The following PHF24 variants were observed in gnomAD, a reference collection of about 807,000 sequenced individuals.
The protein encoded by PHF24 is PHD finger protein 24.
PHF24 carries 25 observed loss-of-function variants against 42.6 expected under a neutral mutation model. The observed-to-expected ratio is 0.59, with a 90% CI of 0.43 to 0.82. The LOEUF (loss-of-function observed/expected upper bound fraction) is 0.82. Among genes scored for constraint, PHF24 ranks in the 40% least tolerant of loss-of-function variants. The pLI is 0.00. For missense variants in PHF24, 470 were observed against 538.1 expected (o/e 0.87, Z 1.25); for synonymous variants, 185 against 204.8 (o/e 0.90, Z 0.83).
At chr9:34,891,215 G>T in the PHF24 span, among the ~76,000 whole-genome samples, 1 of 152,174 alleles carries the variant, frequency 6.6e-6, no homozygotes, top group Non-Finnish European at 1.5e-5. Context: ...GTCCTTTCCT[G>T]ATCTGTGTAG....
At chr9:34,796,718 C>T in the PHF24 span, among the ~76,000 whole-genome samples, 1 of 152,166 alleles carries the variant, frequency 6.6e-6, no homozygotes, top group Admixed American at 6.5e-5. Flanking sequence ...ACCAGGAATG[C>T]AAGATAGCAC....
chr9:34,887,864 A>G, the PHF24 span, among the ~76,000 whole-genome samples: 1 of 152,088 alleles, frequency 6.6e-6, no homozygotes, highest in African/African-American at 2.4e-5. Context: ...CTGTATTCCC[A>G]GTGCCTATAA....
the PHF24 span, among the ~76,000 whole-genome samples, chr9:34,935,376 C>T: frequency 0.037 from 5,559 of 152,146 alleles, 163 homozygotes; most frequent in Non-Finnish European, 0.05. Context: ...GGCAGATCAC[C>T]TGAGGTCAGG....
the PHF24 span, among the ~76,000 whole-genome samples, chr9:34,869,811 C>T: frequency 2.6e-5 from 4 of 152,140 alleles, no homozygotes; most frequent in Non-Finnish European, 5.9e-5. Context: ...TGACCCTAAT[C>T]TACCTTCTTA....
chr9:34,936,191 GC>G, the PHF24 span, among the ~76,000 whole-genome samples: 1 of 152,134 alleles, frequency 6.6e-6, no homozygotes, highest in East Asian at 1.9e-4. Flanking sequence ...GCCTCAGCCT[GC>G]CGAGTGCCTG....
chr9:34,875,932 A>ACTCTCTCTCT, the PHF24 span, among the ~76,000 whole-genome samples: 2 of 70,716 alleles, frequency 2.8e-5, no homozygotes, highest in South Asian at 5.1e-4. Flanking sequence ...ACACACACAC[A>ACTCTCTCTCT]CACACACACA....
chr9:34,976,139 TC>T lies in PHF24; in HGVS notation c.565-11del, dbSNP rs766082997. On this transcript the variant is annotated splice_polypyrimidine_tract_variant and intron_variant, in intron 3 of 7. Transcript: ENST00000242315. ...CCTGTATGGCCACCGACTCAGCTCTTCCTTATTTTCAGGACAACATCAACTT... is the reference window on the plus strand; with the variant it reads ...CCTGTATGGCCACCGACTCAGCTCTTCTTATTTTCAGGACAACATCAACTT... 6.2e-7 allele frequency: 1 copy of T among 1,610,114 alleles called. No individual in the cohort carries two copies. Among genetic ancestry groups the T allele is most frequent in the Non-Finnish European group, 8.5e-7 (1 of 1,176,426 alleles).
the PHF24 span, chr9:34,834,142 C>T: frequency 6.5e-7 from 1 of 1,533,846 alleles, no homozygotes; most frequent in Non-Finnish European, 8.8e-7. Context: ...GTACCAGGAA[C>T]TGGCTTTCTG....
chr9:34,718,690 C>T, the PHF24 span, among the ~76,000 whole-genome samples: 3 of 152,346 alleles, frequency 2.0e-5, no homozygotes, highest in Non-Finnish European at 4.4e-5. Context: ...TCCATGGAGT[C>T]TATTCCTGTG....
chr9:34,709,444 G>T, the PHF24 span: 1 of 1,612,904 alleles, frequency 6.2e-7, no homozygotes, highest in Non-Finnish European at 8.5e-7. Flanking sequence ...GGGCAGAAGA[G>T]GGGTGTGAGG....
At chr9:34,976,034 G>T (rs1827171374) in intron 3 of PHF24, 118 bp from the exon 4 acceptor site, 1 of 721,916 alleles carries the variant, frequency 1.4e-6, no homozygotes, top group African/African-American at 1.7e-5. Flanking sequence ...TGAATAGGAG[G>T]CTGGGATTAG....
chr9:34,753,769 A>T, the PHF24 span, among the ~76,000 whole-genome samples: 1 of 152,216 alleles, frequency 6.6e-6, no homozygotes, highest in Non-Finnish European at 1.5e-5. Flanking sequence ...CCAAAACAGC[A>T]TGGTACTGGC....
chr9:34,838,854 G>GT, the PHF24 span, among the ~76,000 whole-genome samples: 1 of 152,212 alleles, frequency 6.6e-6, no homozygotes, highest in Admixed American at 6.5e-5. Context: ...TGGCACAGGG[G>GT]CACCTTATGA....
At chr9:34,870,863 T>A in the PHF24 span, among the ~76,000 whole-genome samples, 1 of 152,326 alleles carries the variant, frequency 6.6e-6, no homozygotes, top group South Asian at 2.1e-4. Context: ...TAGAAAGACA[T>A]CTTGGTTGCT....
chr9:34,968,389 A>G (rs1475718678), intron 1 of PHF24, among the ~76,000 whole-genome samples: 1 of 152,218 alleles, frequency 6.6e-6, no homozygotes, highest in East Asian at 1.9e-4. Context: ...TGATTTCCTG[A>G]ATGTGCTCAA....
the PHF24 span, chr9:34,889,277 T>C: frequency 5.0e-6 from 2 of 398,514 alleles, no homozygotes; most frequent in Non-Finnish European, 4.4e-6. Flanking sequence ...GCACAAGTCA[T>C]TTGAGGACAG....
the PHF24 span, among the ~76,000 whole-genome samples, chr9:34,766,625 A>C: frequency 2.0e-5 from 3 of 151,982 alleles, no homozygotes; most frequent in Admixed American, 6.6e-5. Context: ...AAAGTTTTTA[A>C]CTCTTTGCCT....
At chr9:34,741,217 G>A in the PHF24 span, among the ~76,000 whole-genome samples, 3 of 145,938 alleles carry the variant, frequency 2.1e-5, no homozygotes, top group African/African-American at 8.3e-5. Flanking sequence ...AAAAAGTTTA[G>A]AAACACACAC....
the PHF24 span, among the ~76,000 whole-genome samples, chr9:34,820,087 T>C: frequency 6.6e-6 from 1 of 151,192 alleles, no homozygotes; most frequent in Non-Finnish European, 1.5e-5. Flanking sequence ...TTTTGACTAA[T>C]ATTAATATAG....
Sources: gnomAD v4.1 joint callset for allele counts (sites outside exome capture counted in the v4.1 genomes callset) on GRCh38, gnomAD v4.1.1 for gene constraint, MANE v1.5 for transcripts, NCBI Gene and HGNC (gene_info 2026-07-23, HGNC 2026-07-21) for gene names.